MACROD2: variants seen among roughly 807,000 people sequenced by gnomAD.
The protein encoded by MACROD2 is ADP-ribose glycohydrolase MACROD2.
MACROD2 carries 36 observed loss-of-function variants against 70.4 expected under a neutral mutation model. The observed-to-expected ratio is 0.51, with a 90% CI of 0.39 to 0.68. The LOEUF is 0.68. MACROD2 is among the 30% of genes least tolerant of loss of function. MACROD2 has a pLI of 0.00. For synonymous variants in MACROD2, 172 were observed against 178.8 expected, an observed-to-expected ratio of 0.96 and a Z score of 0.30; for missense variants, 496 against 538.4, an observed-to-expected ratio of 0.92 and a Z score of 0.78.
At chr20:15,705,930 T>C (rs2050525659) in intron 8 of MACROD2, among the ~76,000 whole-genome samples, 1 of 152,222 alleles carries the variant, frequency 6.6e-6, no homozygotes, top group African/African-American at 2.4e-5. Context: ...GGTTGTACTT[T>C]TTTTCTTTTA....
chr20:14,940,709 T>C (rs922359972), intron 5 of MACROD2, among the ~76,000 whole-genome samples: 3 of 152,166 alleles, frequency 2.0e-5, no homozygotes, highest in African/African-American at 4.8e-5. Context: ...TTGATTTTTG[T>C]GTGTTGAACC....
intron 2 of MACROD2, among the ~76,000 whole-genome samples, chr20:14,066,125 C>A (rs62209484): frequency 0.032 from 4,804 of 152,070 alleles, 120 homozygotes; most frequent in South Asian, 0.045. Flanking sequence ...TAAATTACAT[C>A]TTTTGAAAAT....
intron 3 of MACROD2, among the ~76,000 whole-genome samples, chr20:14,468,552 A>T (rs2084487201): frequency 6.7e-6 from 1 of 148,876 alleles, no homozygotes; most frequent in Admixed American, 6.7e-5. Context: ...TCACTCTGTC[A>T]CCGAGGCTGG....
chr20:15,939,831 G>A (rs769558766), intron 12 of MACROD2, among the ~76,000 whole-genome samples: 29 of 152,136 alleles, frequency 1.9e-4, no homozygotes, highest in South Asian at 1.0e-3. Flanking sequence ...AAATATCAAC[G>A]TTAACAAGGG....
intron 5 of MACROD2, among the ~76,000 whole-genome samples, chr20:14,800,793 A>G (rs535711567): frequency 6.6e-6 from 1 of 152,182 alleles, no homozygotes; most frequent in African/African-American, 2.4e-5. Flanking sequence ...CCACTCCAGA[A>G]TTGTCTTGAA....
chr20:14,739,156 A>G (rs1343508506), intron 5 of MACROD2, among the ~76,000 whole-genome samples: 2 of 152,038 alleles, frequency 1.3e-5, no homozygotes, highest in African/African-American at 2.4e-5. Flanking sequence ...ATGTGAATCA[A>G]TAGTTTCAAA....
chr20:14,638,015 T>C (rs1984874803), intron 4 of MACROD2, among the ~76,000 whole-genome samples: 1 of 152,136 alleles, frequency 6.6e-6, no homozygotes, highest in Non-Finnish European at 1.5e-5. Context: ...ATTATGATTT[T>C]TTTTTCTTTC....
chr20:15,214,341 C>CT (rs1188164921), intron 5 of MACROD2, among the ~76,000 whole-genome samples: 1 of 152,028 alleles, frequency 6.6e-6, no homozygotes, highest in Non-Finnish European at 1.5e-5. Flanking sequence ...TCCATGGACT[C>CT]TAAGTCCATG....
intron 5 of MACROD2, among the ~76,000 whole-genome samples, chr20:14,889,963 C>T (rs2073732144): frequency 6.6e-6 from 1 of 152,086 alleles, no homozygotes; most frequent in South Asian, 2.1e-4. Context: ...CTGGTTGCCT[C>T]AGTCAAGATG....
intron 5 of MACROD2, among the ~76,000 whole-genome samples, chr20:14,842,630 T>C (rs1476644084): frequency 6.6e-6 from 1 of 152,104 alleles, no homozygotes; most frequent in Non-Finnish European, 1.5e-5. Context: ...TCAAAGCAGA[T>C]ATTTGTGTGC....
chr20:14,962,092 G>T (rs900806158), intron 5 of MACROD2, among the ~76,000 whole-genome samples: 1 of 151,992 alleles, frequency 6.6e-6, no homozygotes, highest in African/African-American at 2.4e-5. Context: ...ATCCTCCCAC[G>T]TTGGCCTCCC....
chr20:14,537,409 G>C (rs1008188253), intron 4 of MACROD2, among the ~76,000 whole-genome samples: 2 of 152,172 alleles, frequency 1.3e-5, no homozygotes, highest in African/African-American at 4.8e-5. Flanking sequence ...TACACCTAGG[G>C]ACAGGGAAGT....
At chr20:15,153,496 C>G (rs576379635) in intron 5 of MACROD2, among the ~76,000 whole-genome samples, 10 of 152,130 alleles carry the variant, frequency 6.6e-5, no homozygotes, top group African/African-American at 2.4e-4. Context: ...GGCTCAGAGG[C>G]CTGACACACA....
intron 5 of MACROD2, among the ~76,000 whole-genome samples, chr20:15,076,489 G>T (rs2075659135): frequency 6.6e-6 from 1 of 151,982 alleles, no homozygotes; most frequent in Non-Finnish European, 1.5e-5. Context: ...ACTTATAATT[G>T]AGTGATGATT....
intron 8 of MACROD2, among the ~76,000 whole-genome samples, chr20:15,784,174 T>C (rs2051881797): frequency 6.6e-6 from 1 of 152,088 alleles, no homozygotes; most frequent in Admixed American, 6.5e-5. Flanking sequence ...AAAAAAGCAC[T>C]GTAGCTAGTT....
Position 15,698,164 on chromosome 20 carries a change from T to C in MACROD2, c.646-164581T>C, listed in dbSNP as rs567322096. Reference sequence around the variant, plus strand: ...GCTTGTAACTTGTATTTTTGTTTTATAGGTCCTGTGTGATTTATGCTTTAA... The same window carrying C: ...GCTTGTAACTTGTATTTTTGTTTTACAGGTCCTGTGTGATTTATGCTTTAA... On this transcript the variant is annotated intron_variant, in intron 8 of 17. Coordinates refer to ENST00000684519, the MANE Select transcript of MACROD2 (RefSeq NM_001351661.2). Among the ~76,000 whole-genome samples, 21 of 152,348 alleles carry C rather than the reference T, an allele frequency of 1.4e-4. No homozygotes were observed. The South Asian group carries it at 3.9e-3, about 29-fold the overall frequency.
At chr20:14,474,285 A>G (rs2084564400) in intron 3 of MACROD2, among the ~76,000 whole-genome samples, 1 of 152,162 alleles carries the variant, frequency 6.6e-6, no homozygotes, top group Non-Finnish European at 1.5e-5. Flanking sequence ...GTTTTCTTCT[A>G]GTAGTTTCAT....
chr20:15,648,280 A>G (rs1034309015), intron 8 of MACROD2, among the ~76,000 whole-genome samples: 7 of 152,220 alleles, frequency 4.6e-5, no homozygotes, highest in Non-Finnish European at 8.8e-5. Context: ...CATGATATTT[A>G]AGAAGCATCA....
At chr20:14,661,249 T>C (rs2063129857) in intron 4 of MACROD2, among the ~76,000 whole-genome samples, 1 of 152,188 alleles carries the variant, frequency 6.6e-6, no homozygotes, top group African/African-American at 2.4e-5. Flanking sequence ...CCATTCTGAC[T>C]GGTGTGAGAT....
Sources: allele counts gnomAD v4.1 joint callset (sites outside exome capture counted in the v4.1 genomes callset), GRCh38; gene constraint gnomAD v4.1.1; transcripts MANE v1.5; gene names NCBI Gene and HGNC (gene_info 2026-07-23, HGNC 2026-07-21).